UNC13C: variants seen among roughly 807,000 people sequenced by gnomAD.
UNC13C encodes protein unc-13 homolog C.
A neutral mutation model predicts 245.4 loss-of-function variants in UNC13C; 174 were observed. The ratio of observed to expected loss-of-function variants is 0.71; its 90% CI spans 0.63 to 0.80. The LOEUF (loss-of-function observed/expected upper bound fraction) is 0.80, where lower values mean the gene tolerates loss of function less well. Ranked by LOEUF, UNC13C falls within the 30% of genes least tolerant of loss-of-function variation. The pLI is 0.00. For missense variants in UNC13C, 2,829 were observed against 2,602.9 expected, an observed-to-expected ratio of 1.09 and a Z score of -1.89; for synonymous variants, 992 against 895.1, an observed-to-expected ratio of 1.11 and a Z score of -1.93.
At chr15:54,469,613 T>G (rs1567302743) in intron 19 of UNC13C, among the ~76,000 whole-genome samples, 1 of 151,650 alleles carries the variant, frequency 6.6e-6, no homozygotes, top group Non-Finnish European at 1.5e-5. Context: ...TTACTTATAA[T>G]GCCTAATACA....
At chr15:54,480,808 T>C (rs1333314562) in intron 19 of UNC13C, among the ~76,000 whole-genome samples, 1 of 152,230 alleles carries the variant, frequency 6.6e-6, no homozygotes, top group Non-Finnish European at 1.5e-5. Context: ...TTGCATTTAC[T>C]ATCTGCACAC....
intron 17 of UNC13C, among the ~76,000 whole-genome samples, chr15:54,373,120 A>G (rs1225880446): frequency 6.6e-6 from 1 of 152,178 alleles, no homozygotes; most frequent in African/African-American, 2.4e-5. Context: ...TGAGACAGTC[A>G]TTGGTGCTGC....
At chr15:54,032,252 A>G (rs1896387902) in intron 2 of UNC13C, among the ~76,000 whole-genome samples, 1 of 152,206 alleles carries the variant, frequency 6.6e-6, no homozygotes, top group African/African-American at 2.4e-5. Flanking sequence ...AACGATTTAG[A>G]AAGAATAGCA....
At chr15:54,089,391 T>G (rs1351710434) in intron 2 of UNC13C, among the ~76,000 whole-genome samples, 1 of 152,174 alleles carries the variant, frequency 6.6e-6, no homozygotes, top group Admixed American at 6.5e-5. Flanking sequence ...TTCCTGGGTT[T>G]GCGCTTGAGA....
intron 1 of UNC13C, among the ~76,000 whole-genome samples, chr15:53,986,903 A>G (rs932636861): frequency 6.6e-6 from 1 of 152,058 alleles, no homozygotes; most frequent in Non-Finnish European, 1.5e-5. Flanking sequence ...ATGGAAAGAC[A>G]CTCTGAGATC....
intron 26 of UNC13C, among the ~76,000 whole-genome samples, chr15:54,537,308 A>C (rs966738190): frequency 6.6e-6 from 1 of 152,106 alleles, no homozygotes. Context: ...CAAGAATTAC[A>C]AAATATTGCT....
intron 30 of UNC13C, among the ~76,000 whole-genome samples, chr15:54,568,195 G>A (rs1380433200): frequency 6.6e-6 from 1 of 151,854 alleles, no homozygotes; most frequent in Non-Finnish European, 1.5e-5. Context: ...TGACTTGTTG[G>A]TGATTTTAAC....
chr15:54,132,950 A>G (rs2031518150), intron 2 of UNC13C, among the ~76,000 whole-genome samples: 1 of 152,226 alleles, frequency 6.6e-6, no homozygotes, highest in African/African-American at 2.4e-5. Flanking sequence ...AAAGTGTGTT[A>G]TAATAGAGGT....
intron 1 of UNC13C, among the ~76,000 whole-genome samples, chr15:53,995,422 C>G (rs1267916090): frequency 2.0e-5 from 3 of 152,066 alleles, no homozygotes; most frequent in South Asian, 4.2e-4. Context: ...GCCATCTGGT[C>G]TCTTATTTCC....
Position 54,014,436 on chromosome 15 carries a change from C to G in UNC13C, c.1533C>G (p.Ser511=), listed in dbSNP as rs1895541418. The G allele has an allele frequency of 6.2e-7, 1 of 1,613,766 alleles. No individual in the cohort carries two copies. Among genetic ancestry groups the G allele is most frequent in the Non-Finnish European group, 8.5e-7 (1 of 1,179,812 alleles). Residue 511 remains serine (S), a synonymous_variant, in exon 2 of 33, where the codon TCC becomes TCG. Coordinates refer to ENST00000260323, the MANE Select transcript of UNC13C (RefSeq NM_001080534.3). ...ISNKSDYDKI[S]SQLPESDILE... ...ATAAATCAGATTATGATAAAATCTC[C>G]TCACAGTTGCCAGAATCAGATATCT...
chr15:54,416,689 A>G (rs1327491166), intron 19 of UNC13C, among the ~76,000 whole-genome samples: 2 of 152,006 alleles, frequency 1.3e-5, no homozygotes, highest in Admixed American at 1.3e-4. Context: ...CCCTAGGCCT[A>G]TACTCTGCAT....
rs186691644 is a variant in UNC13C at position 53,997,921 on chromosome 15, G to A, written c.-256-14727G>A. Reference sequence around the variant, plus strand: ...AGGCCCAAGCTATCCTCCCACCTCAGCCTCCCTAGTAGATGGGACTACAGG... The same window carrying A: ...AGGCCCAAGCTATCCTCCCACCTCAACCTCCCTAGTAGATGGGACTACAGG... On this transcript the variant is annotated intron_variant, in intron 1 of 32. Transcript: ENST00000260323. 5.1e-3 allele frequency among the ~76,000 whole-genome samples: 775 copies of A among 151,990 alleles called. 32 individuals carry two copies. In the South Asian group the frequency reaches 0.1, roughly 20 times the overall value.
the UNC13C span, among the ~76,000 whole-genome samples, chr15:53,900,519 G>A: frequency 1.3e-5 from 2 of 152,196 alleles, no homozygotes; most frequent in African/African-American, 4.8e-5. Flanking sequence ...AGCGACTGCT[G>A]TTTGGACTCA....
rs574552331 is a variant in UNC13C at position 54,502,867 on chromosome 15, A to T, written c.5301+1889A>T. 2.0e-5 allele frequency among the ~76,000 whole-genome samples: 3 copies of T among 152,270 alleles called. No individual in the cohort carries two copies. In the South Asian group the frequency reaches 6.2e-4, roughly 32 times the overall value. ...CGACATGAGTGCACGGTAACAGAGTAGAAAGAATGCTGAATTGAGATTCCT... is the reference window on the plus strand; with the variant it reads ...CGACATGAGTGCACGGTAACAGAGTTGAAAGAATGCTGAATTGAGATTCCT... On this transcript the variant is annotated intron_variant, in intron 22 of 32. Coordinates refer to ENST00000260323, the MANE Select transcript of UNC13C (RefSeq NM_001080534.3).
intron 8 of UNC13C, among the ~76,000 whole-genome samples, chr15:54,263,175 C>A (rs74980042): frequency 0.047 from 7,166 of 152,172 alleles, 543 homozygotes; most frequent in African/African-American, 0.16. Flanking sequence ...GCAATTACTA[C>A]CTATGAACAC....
intron 19 of UNC13C, among the ~76,000 whole-genome samples, chr15:54,446,886 C>A (rs1233235410): frequency 1.3e-5 from 2 of 152,112 alleles, no homozygotes; most frequent in Non-Finnish European, 2.9e-5. Context: ...AAAGGGAATG[C>A]TTCCAGTTTT....
At chr15:54,131,414 T>C (rs1192393408) in intron 2 of UNC13C, among the ~76,000 whole-genome samples, 1 of 152,358 alleles carries the variant, frequency 6.6e-6, no homozygotes, top group South Asian at 2.1e-4. Context: ...CTATTTACTT[T>C]CCATGGTTTC....
At chr15:53,837,794 A>G in the UNC13C span, among the ~76,000 whole-genome samples, 1 of 152,180 alleles carries the variant, frequency 6.6e-6, no homozygotes, top group Non-Finnish European at 1.5e-5. Flanking sequence ...CCAAAGGATC[A>G]TTTATTGAAT....
intron 17 of UNC13C, among the ~76,000 whole-genome samples, chr15:54,376,768 G>A (rs1206168395): frequency 6.6e-6 from 1 of 152,206 alleles, no homozygotes; most frequent in African/African-American, 2.4e-5. Flanking sequence ...AAAACCACAT[G>A]AAACATATTT....
Sources: gnomAD v4.1 joint callset for allele counts (sites outside exome capture counted in the v4.1 genomes callset) on GRCh38, gnomAD v4.1.1 for gene constraint, MANE v1.5 for transcripts, NCBI Gene and HGNC (gene_info 2026-07-23, HGNC 2026-07-21) for gene names.